The following VBP1 variants were observed in gnomAD, a reference collection of about 807,000 sequenced individuals.
VBP1 encodes the protein VHL binding protein 1.
A neutral mutation model predicts 15.5 loss-of-function variants in VBP1; 4 were observed. The observed-to-expected ratio is 0.26, with a 90% confidence interval of 0.13 to 0.59. VBP1 has a LOEUF of 0.59. Ranked by LOEUF, VBP1 falls within the 20% of genes least tolerant of loss-of-function variation. The pLI is 0.90. For synonymous variants in VBP1, 61 were observed against 52.1 expected, an observed-to-expected ratio of 1.17 and a Z score of -0.74; for missense variants, 108 against 139.6, an observed-to-expected ratio of 0.77 and a Z score of 1.14.
At chrX:155,218,047 A>G (rs2074673258) in intron 1 of VBP1, among the ~76,000 whole-genome samples, 1 of 111,939 alleles carries the variant, frequency 8.9e-6, no homozygotes, top group African/African-American at 3.3e-5. Context: ...CATGGTGCTC[A>G]GCTAGAGATG....
At chrX:155,231,608 A>C (rs920959459) in intron 4 of VBP1, among the ~76,000 whole-genome samples, 3 of 112,589 alleles carry the variant, frequency 2.7e-5, no homozygotes, top group African/African-American at 9.7e-5. Context: ...AGCAAATAGA[A>C]AGCAGCAGGC....
chrX:155,222,898 G>A (rs1476046807), intron 2 of VBP1, among the ~76,000 whole-genome samples: 5 of 111,330 alleles, frequency 4.5e-5, no homozygotes, highest in African/African-American at 1.3e-4. Context: ...GCCAGAGTGC[G>A]GTGGTGTGAT....
At chrX:155,222,838 A>T (rs782120285) in intron 2 of VBP1, among the ~76,000 whole-genome samples, 1 of 111,249 alleles carries the variant, frequency 9.0e-6, no homozygotes, top group East Asian at 2.8e-4. Flanking sequence ...TACCTATTTT[A>T]ATAGTGGGTT....
intron 2 of VBP1, among the ~76,000 whole-genome samples, chrX:155,223,155 A>T (rs1231794258): frequency 3.1e-5 from 2 of 63,993 alleles, no homozygotes; most frequent in African/African-American, 6.4e-5. Context: ...TTTATTTAGG[A>T]TTTTTGAATT....
intron 1 of VBP1, 27 bp from the exon 2 acceptor site, chrX:155,220,156 T>C: frequency 8.5e-7 from 1 of 1,177,399 alleles, no homozygotes; most frequent in Non-Finnish European, 1.1e-6. Context: ...TTCTAAAATT[T>C]GTAAAGTATT....
rs782492249 is a variant in VBP1, at chrX:155,203,070, A to C, written c.-30-5804A>C. On this transcript the variant is annotated intron_variant, in intron 1 of 6. Transcript: ENST00000535916. ...CAAAACCACAATGAGATACCGTCTC[A>C]CACCAGTTAGAATGGCGATCATTAA... 2.7e-5 allele frequency among the ~76,000 whole-genome samples: 3 copies of C among 112,318 alleles called. No individual in the cohort carries two copies. The Admixed American group carries it at 2.8e-4, about 11-fold the overall frequency.
chrX:155,210,383 G>A (rs1197464541), intron 2 of VBP1, among the ~76,000 whole-genome samples: 1 of 111,989 alleles, frequency 8.9e-6, no homozygotes, highest in Non-Finnish European at 1.9e-5. Flanking sequence ...GAGCCCAGGA[G>A]TTTGAGGCTG....
chrX:155,205,160 A>G (rs1161407525), intron 1 of VBP1, among the ~76,000 whole-genome samples: 6 of 112,451 alleles, frequency 5.3e-5, no homozygotes, highest in Non-Finnish European at 1.1e-4. Flanking sequence ...AGTGCACTGC[A>G]TAAATTTTAT....
intron 1 of VBP1, among the ~76,000 whole-genome samples, chrX:155,218,085 C>T (rs1345778824): frequency 8.9e-6 from 1 of 111,915 alleles, no homozygotes. Flanking sequence ...CGGGAGGAGA[C>T]ACTTTATCTG....
intron 2 of VBP1, among the ~76,000 whole-genome samples, chrX:155,221,528 A>G (rs1393548265): frequency 1.8e-5 from 2 of 111,649 alleles, no homozygotes; most frequent in African/African-American, 6.5e-5. Flanking sequence ...ACAAAAAACT[A>G]GGGACACAGT....
upstream of VBP1, among the ~76,000 whole-genome samples, chrX:155,214,315 T>A (rs782585037): frequency 1.4e-4 from 16 of 112,707 alleles, no homozygotes; most frequent in South Asian, 3.6e-4. Flanking sequence ...TCTAGGGAGA[T>A]ATGTATTTGG....
chrX:155,237,691 T>G (rs2074780304), intron 5 of VBP1, among the ~76,000 whole-genome samples: 1 of 112,027 alleles, frequency 8.9e-6, no homozygotes, highest in African/African-American at 3.2e-5. Context: ...TGGAATGACT[T>G]TCCCATATTT....
chrX:155,230,777 G>A (rs941034215), intron 4 of VBP1, among the ~76,000 whole-genome samples: 1 of 109,798 alleles, frequency 9.1e-6, no homozygotes, highest in Non-Finnish European at 1.9e-5. Context: ...TCTGTCTCCC[G>A]GGCTCAAGCG....
intron 2 of VBP1, among the ~76,000 whole-genome samples, chrX:155,211,398 A>T (rs782362569): frequency 2.7e-5 from 3 of 112,319 alleles, no homozygotes; most frequent in African/African-American, 9.7e-5. Flanking sequence ...ATAAATATTG[A>T]TCAACTTGAT....
rs781961342 is a variant in VBP1 at position 155,202,878 on chromosome X, C to G, written c.-31+5739C>G. The stretch of plus-strand genomic sequence containing the variant: ...TACTCATCTGACAAAGGGCTAATAT[C>G]CAGAATCTACAATGAACTCAAACAA... On this transcript the variant is annotated intron_variant, in intron 1 of 6. Transcript: ENST00000535916. 4.0e-4 allele frequency among the ~76,000 whole-genome samples: 44 copies of G among 111,241 alleles called. 1 individual carries two copies. Among genetic ancestry groups the G allele is most frequent in the African/African-American group, 1.3e-3 (41 of 30,655 alleles).
chrX:155,213,899 T>C (rs1411020727), upstream of VBP1, among the ~76,000 whole-genome samples: 2 of 112,595 alleles, frequency 1.8e-5, no homozygotes, highest in Non-Finnish European at 3.7e-5. Flanking sequence ...ATCTGTGTGC[T>C]ACTGGGCATG....
intron 4 of VBP1, among the ~76,000 whole-genome samples, chrX:155,230,776 C>T (rs782277329): frequency 1.0e-4 from 11 of 110,422 alleles, no homozygotes; most frequent in African/African-American, 2.0e-4. Context: ...CTCTGTCTCC[C>T]GGGCTCAAGC....
In VBP1 at chrX:155,239,051, G is replaced by A; in HGVS notation, c.*209G>A. ...TTCCACATTTCTCAGCAAAGCTAAT[G>A]GTATTTTAATCATTATTTTTGCCTG... On this transcript the variant is annotated 3_prime_UTR_variant, in exon 6 of 6. Transcript: ENST00000286428. 3.3e-6 allele frequency: 1 copy of A among 299,484 alleles called. No individual in the cohort carries two copies. The highest frequency in any genetic ancestry group is 5.7e-6 in the Non-Finnish European group (1 of 174,806). The allele number at this position is 299,484 out of a possible 1,213,427, so 24.7% of individuals were successfully genotyped here. A position where few individuals can be genotyped will look rare whatever the true frequency, so the allele number is the denominator to read the frequency against.
chrX:155,227,761 A>G (rs1221155576), intron 3 of VBP1, among the ~76,000 whole-genome samples: 1 of 112,090 alleles, frequency 8.9e-6, no homozygotes, highest in Non-Finnish European at 1.9e-5. Flanking sequence ...ATACTCGACC[A>G]TTGTCTATGT....
Sources: gnomAD v4.1 joint callset for allele counts (sites outside exome capture counted in the v4.1 genomes callset) on GRCh38, gnomAD v4.1.1 for gene constraint, MANE v1.5 for transcripts, NCBI Gene and HGNC (gene_info 2026-07-23, HGNC 2026-07-21) for gene names.